The following GPC5 variants were observed in gnomAD, a reference collection of about 807,000 sequenced individuals.
GPC5 encodes the protein glypican 5.
A neutral mutation model predicts 53.9 loss-of-function variants in GPC5; 47 were observed. The ratio of observed to expected loss-of-function variants is 0.87; its 90% confidence interval spans 0.69 to 1.11. The LOEUF (loss-of-function observed/expected upper bound fraction) is 1.11. Ranked by LOEUF, GPC5 falls within the 50% of genes most tolerant of loss-of-function variation. The probability of loss-of-function intolerance (pLI) is 0.00; values close to 1 mark genes in which losing one functional copy is unlikely to be tolerated. For missense variants in GPC5, 748 were observed against 713.1 expected, an observed-to-expected ratio of 1.05 and a Z score of -0.56; for synonymous variants, 286 against 263.3, an observed-to-expected ratio of 1.09 and a Z score of -0.84.
intron 6 of GPC5, among the ~76,000 whole-genome samples, chr13:92,010,679 C>T (rs1035807244): frequency 1.5e-4 from 23 of 152,244 alleles, no homozygotes; most frequent in Middle Eastern, 3.4e-3. Flanking sequence ...CTTTCTCTGT[C>T]TCTCTCCACC....
chr13:92,110,225 G>A (rs2041546289), intron 6 of GPC5, among the ~76,000 whole-genome samples: 1 of 152,066 alleles, frequency 6.6e-6, no homozygotes. Flanking sequence ...CCAAATACAT[G>A]CAAATAGAGA....
intron 7 of GPC5, among the ~76,000 whole-genome samples, chr13:92,357,357 T>C (rs2043530991): frequency 6.6e-6 from 1 of 151,770 alleles, no homozygotes; most frequent in Non-Finnish European, 1.5e-5. Context: ...TTCCTTTTTC[T>C]CTGCAACCTA....
intron 7 of GPC5, among the ~76,000 whole-genome samples, chr13:92,777,208 T>C (rs1231968613): frequency 1.3e-5 from 2 of 150,770 alleles, no homozygotes; most frequent in Non-Finnish European, 2.9e-5. Flanking sequence ...TGGAGGTGCA[T>C]GACTGTAGTC....
At chr13:92,507,504 A>T (rs1880414956) in intron 7 of GPC5, among the ~76,000 whole-genome samples, 1 of 152,188 alleles carries the variant, frequency 6.6e-6, no homozygotes, top group Non-Finnish European at 1.5e-5. Context: ...TATTTACAAA[A>T]ACTGGCAGAA....
chr13:91,451,340 A>T (rs2139105745), intron 2 of GPC5, among the ~76,000 whole-genome samples: 1 of 152,254 alleles, frequency 6.6e-6, no homozygotes, highest in Non-Finnish European at 1.5e-5. Context: ...CATGGACCTT[A>T]TGTGACCCCA....
At chr13:91,579,900 A>T in intron 2 of GPC5, among the ~76,000 whole-genome samples, 1 of 150,408 alleles carries the variant, frequency 6.6e-6, no homozygotes. Flanking sequence ...GCATCATAAT[A>T]TTTCCTGGTA....
At chr13:91,704,084 T>C (rs1330632947) in intron 3 of GPC5, among the ~76,000 whole-genome samples, 1 of 152,206 alleles carries the variant, frequency 6.6e-6, no homozygotes, top group Non-Finnish European at 1.5e-5. Context: ...AAGTAGAGTA[T>C]TGAAGTCCTC....
intron 7 of GPC5, among the ~76,000 whole-genome samples, chr13:92,471,109 T>C (rs1878892912): frequency 6.6e-6 from 1 of 152,012 alleles, no homozygotes; most frequent in African/African-American, 2.4e-5. Flanking sequence ...AAATGGACAG[T>C]GCCCTCAGCC....
chr13:91,551,123 G>A (rs1050288647), intron 2 of GPC5, among the ~76,000 whole-genome samples: 2 of 151,938 alleles, frequency 1.3e-5, no homozygotes, highest in African/African-American at 4.8e-5. Flanking sequence ...CTGAACCAGA[G>A]CATTTCATGT....
chr13:92,334,673 G>A (rs1025901849), intron 7 of GPC5, among the ~76,000 whole-genome samples: 5 of 152,074 alleles, frequency 3.3e-5, no homozygotes, highest in African/African-American at 1.2e-4. Flanking sequence ...TTACTTCCTA[G>A]ACACAATGGG....
intron 7 of GPC5, among the ~76,000 whole-genome samples, chr13:92,218,571 C>G (rs962450324): frequency 8.5e-5 from 13 of 152,286 alleles, no homozygotes; most frequent in African/African-American, 3.1e-4. Flanking sequence ...TTGTCCCCTC[C>G]CCCTGCTTCA....
chr13:92,748,745 C>T (rs1566399158), intron 7 of GPC5, among the ~76,000 whole-genome samples: 1 of 151,960 alleles, frequency 6.6e-6, no homozygotes, highest in East Asian at 1.9e-4. Flanking sequence ...ATGAATACTC[C>T]TTTTTTTAAT....
At chr13:92,094,630 T>G (rs1187050353) in intron 6 of GPC5, among the ~76,000 whole-genome samples, 1 of 151,124 alleles carries the variant, frequency 6.6e-6, no homozygotes, top group African/African-American at 2.4e-5. Context: ...GTAAACAGAA[T>G]GTAACAAACT....
At chr13:92,552,354 C>T (rs991700007) in intron 7 of GPC5, among the ~76,000 whole-genome samples, 8 of 151,714 alleles carry the variant, frequency 5.3e-5, no homozygotes, top group African/African-American at 1.9e-4. Context: ...AAAAGAAGAA[C>T]AACAGATAAG....
intron 7 of GPC5, among the ~76,000 whole-genome samples, chr13:92,376,527 A>G (rs1218942004): frequency 2.0e-5 from 3 of 152,186 alleles, no homozygotes; most frequent in Non-Finnish European, 2.9e-5. Flanking sequence ...TTCTGGTCTT[A>G]GACTGTTGAC....
At chr13:92,664,104 C>G (rs1234037550) in intron 7 of GPC5, among the ~76,000 whole-genome samples, 1 of 151,488 alleles carries the variant, frequency 6.6e-6, no homozygotes, top group Non-Finnish European at 1.5e-5. Flanking sequence ...ATATGGAGAA[C>G]CTGATGCCTT....
intron 5 of GPC5, among the ~76,000 whole-genome samples, chr13:91,769,885 T>C (rs898283792): frequency 3.3e-5 from 5 of 152,146 alleles, no homozygotes; most frequent in African/African-American, 4.8e-5. Context: ...ACACCAACTG[T>C]ATGTCGTATA....
chr13:92,150,832 G>T (rs1252452302), intron 7 of GPC5, among the ~76,000 whole-genome samples: 1 of 151,182 alleles, frequency 6.6e-6, no homozygotes, highest in African/African-American at 2.4e-5. Context: ...AAAATGAGAA[G>T]TTGTGGTCTT....
chr13:92,356,549 A>AT (rs750632841), intron 7 of GPC5, among the ~76,000 whole-genome samples: 41 of 152,312 alleles, frequency 2.7e-4, no homozygotes, highest in African/African-American at 9.4e-4. Context: ...CTTTGAATGT[A>AT]TTTTAAAGAC....
Sources: allele counts gnomAD v4.1 joint callset (sites outside exome capture counted in the v4.1 genomes callset), GRCh38; gene constraint gnomAD v4.1.1; transcripts MANE v1.5; gene names NCBI Gene and HGNC (gene_info 2026-07-23, HGNC 2026-07-21).